RBPMS: variants seen among roughly 807,000 people sequenced by gnomAD.
The protein encoded by RBPMS is RNA binding protein, mRNA processing factor, also known as RNA-binding protein with multiple splicing.
A neutral mutation model predicts 26.8 loss-of-function variants in RBPMS; 7 were observed. That is an observed-to-expected ratio of 0.26 (90% CI 0.15 to 0.49). The LOEUF (loss-of-function observed/expected upper bound fraction) is 0.49, where lower values mean the gene tolerates loss of function less well. Among genes scored for constraint, RBPMS ranks in the 20% least tolerant of loss-of-function variants. The pLI is 0.98. For missense variants in RBPMS, 186 were observed against 250.0 expected, an observed-to-expected ratio of 0.74 and a Z score of 1.73; for synonymous variants, 96 against 93.3, an observed-to-expected ratio of 1.03 and a Z score of -0.17.
intron 5 of RBPMS, among the ~76,000 whole-genome samples, chr8:30,542,446 A>G (rs1585823607): frequency 6.6e-6 from 1 of 152,338 alleles, no homozygotes; most frequent in East Asian, 1.9e-4. Context: ...GGACCTACTG[A>G]TCAGGTAACC....
chr8:30,417,936 A>T (rs1810290059), intron 1 of RBPMS, among the ~76,000 whole-genome samples: 1 of 152,246 alleles, frequency 6.6e-6, no homozygotes, highest in Non-Finnish European at 1.5e-5. Context: ...ATGAAACACG[A>T]TATGTACGTT....
At chr8:30,510,500 CTT>C (rs35949437) in intron 5 of RBPMS, among the ~76,000 whole-genome samples, 18 of 146,814 alleles carry the variant, frequency 1.2e-4, no homozygotes, top group Admixed American at 2.7e-4. Flanking sequence ...ACCACACTGC[CTT>C]TTTTTTTTTT....
At chr8:30,545,868 A>T (rs1049138166) in intron 6 of RBPMS, among the ~76,000 whole-genome samples, 2 of 152,170 alleles carry the variant, frequency 1.3e-5, no homozygotes, top group African/African-American at 4.8e-5. Context: ...AGAAGGGAGA[A>T]AGTAGTACAA....
chr8:30,453,194 G>T (rs1439672724), intron 1 of RBPMS, among the ~76,000 whole-genome samples: 2 of 152,072 alleles, frequency 1.3e-5, no homozygotes, highest in Non-Finnish European at 2.9e-5. Context: ...CTCTCCCTGT[G>T]GTCCTTAATG....
intron 1 of RBPMS, chr8:30,447,079 A>G (rs1340654540): frequency 2.6e-5 from 4 of 152,072 alleles, no homozygotes; most frequent in African/African-American, 7.3e-5. Context: ...TTTTCAAGGC[A>G]CCACCTGGAA....
chr8:30,520,106 A>G (rs556733904), intron 5 of RBPMS, among the ~76,000 whole-genome samples: 1 of 152,316 alleles, frequency 6.6e-6, no homozygotes, highest in East Asian at 1.9e-4. Flanking sequence ...TCAAGCCTAC[A>G]TTGTAAGGTC....
intron 4 of RBPMS, among the ~76,000 whole-genome samples, chr8:30,482,053 A>G (rs1319986656): frequency 6.6e-6 from 1 of 152,220 alleles, no homozygotes; most frequent in African/African-American, 2.4e-5. Flanking sequence ...TTTAATTCAC[A>G]ATGTCCAGGA....
In RBPMS at chr8:30,473,633, A is replaced by T. The variant is rs1016023192; in HGVS notation, c.67-1146A>T. Among the ~76,000 whole-genome samples, 5 of 152,196 alleles carry T rather than the reference A, an allele frequency of 3.3e-5. No homozygotes were observed. The South Asian group carries it at 8.3e-4, about 25-fold the overall frequency. ...GAATATACGTCATTCTGTTAGGAAG[A>T]TACATGCACGTGTATGTTCATTGCA... On this transcript the variant is annotated intron_variant, in intron 1 of 8. Coordinates refer to ENST00000397323, the MANE Select transcript of RBPMS (RefSeq NM_001008710.3).
intron 3 of RBPMS, among the ~76,000 whole-genome samples, chr8:30,478,708 C>G (rs1817965375): frequency 6.6e-6 from 1 of 152,140 alleles, no homozygotes; most frequent in African/African-American, 2.4e-5. Context: ...CCATGTTGGC[C>G]AGGATGGTCT....
intron 2 of RBPMS, among the ~76,000 whole-genome samples, chr8:30,476,484 A>C (rs1204205663): frequency 1.3e-5 from 2 of 152,218 alleles, no homozygotes; most frequent in African/African-American, 4.8e-5. Flanking sequence ...GCTGTGAATC[A>C]TGACCTCTCT....
chr8:30,415,436 T>G (rs1809950748), intron 1 of RBPMS, among the ~76,000 whole-genome samples: 1 of 152,162 alleles, frequency 6.6e-6, no homozygotes, highest in Admixed American at 6.5e-5. Flanking sequence ...CCACTCTGCT[T>G]AAAACCTTTA....
chr8:30,447,519 T>C (rs1814012812), intron 1 of RBPMS, among the ~76,000 whole-genome samples: 1 of 152,202 alleles, frequency 6.6e-6, no homozygotes, highest in Non-Finnish European at 1.5e-5. Context: ...GTTCTATAAA[T>C]CACCAGTCTT....
chr8:30,521,525 C>G (rs901658880), intron 5 of RBPMS, among the ~76,000 whole-genome samples: 4 of 152,140 alleles, frequency 2.6e-5, no homozygotes, highest in African/African-American at 9.7e-5. Flanking sequence ...GTAGTAGGCT[C>G]TTGGTATGGG....
rs80054121 is a variant in RBPMS, at chr8:30,532,614, G to A, written c.398-11880G>A. On this transcript the variant is annotated intron_variant, in intron 5 of 8. Transcript: ENST00000397323. ...GGGAGAAACACCGGTTTGACTTTCA[G>A]GTGAAGCTTATTGAGTCACCTTTCA... Among the ~76,000 whole-genome samples the A allele has an allele frequency of 9.8e-3, 1,488 of 152,240 alleles. 23 individuals are homozygous for A. The highest frequency in any genetic ancestry group is 0.031 in the African/African-American group (1,275 of 41,536).
intron 5 of RBPMS, among the ~76,000 whole-genome samples, chr8:30,525,768 A>G (rs1448066638): frequency 6.6e-6 from 1 of 152,250 alleles, no homozygotes; most frequent in Non-Finnish European, 1.5e-5. Flanking sequence ...TAGGCCAGGT[A>G]GGTGGCGGGT....
chr8:30,511,701 G>A (rs533001363), intron 5 of RBPMS, among the ~76,000 whole-genome samples: 31 of 150,916 alleles, frequency 2.1e-4, no homozygotes, highest in African/African-American at 6.6e-4. Flanking sequence ...GTGTGCGCCT[G>A]TAATCCCAGC....
intron 1 of RBPMS, among the ~76,000 whole-genome samples, chr8:30,437,925 C>T (rs1000857949): frequency 6.6e-6 from 1 of 151,962 alleles, no homozygotes; most frequent in Admixed American, 6.6e-5. Context: ...TGCTACTGCA[C>T]TCCAGCCTGG....
At chr8:30,504,151 A>G in intron 4 of RBPMS, 135 bp from the exon 5 acceptor site, 1 of 805,412 alleles carries the variant, frequency 1.2e-6, no homozygotes, top group Non-Finnish European at 2.1e-6. Flanking sequence ...TAACCTGTGT[A>G]AGTAGTAAGA....
At chr8:30,560,527 A>C (rs1563453883) in intron 7 of RBPMS, among the ~76,000 whole-genome samples, 1 of 152,192 alleles carries the variant, frequency 6.6e-6, no homozygotes. Flanking sequence ...AGCATCAGGA[A>C]GCTAAAATTG....
Sources: allele counts gnomAD v4.1 joint callset (sites outside exome capture counted in the v4.1 genomes callset), GRCh38; gene constraint gnomAD v4.1.1; transcripts MANE v1.5; gene names NCBI Gene and HGNC (gene_info 2026-07-23, HGNC 2026-07-21).